ENTREP3: variants seen among roughly 807,000 people sequenced by gnomAD.
The protein encoded by ENTREP3 is endosomal transmembrane epsin interactor 3, also known as protein ENTREP3.
At chr1:155,254,448 G>C in the ENTREP3 span, 1 of 1,614,206 alleles carries the variant, frequency 6.2e-7, no homozygotes, top group Non-Finnish European at 8.5e-7. The surrounding 1 kb of genome is among the most constrained non-coding windows in gnomAD (Gnocchi z 4.4). Flanking sequence ...CCACCCCGGA[G>C]AACGCCAGCT....
chr1:155,248,479 G>A, the ENTREP3 span: 4 of 1,613,266 alleles, frequency 2.5e-6, no homozygotes, highest in Non-Finnish European at 3.4e-6. Context: ...GTCAGCTGGG[G>A]AGAAGAGAGA....
the ENTREP3 span, chr1:155,254,484 C>T: frequency 6.2e-7 from 1 of 1,613,818 alleles, no homozygotes; most frequent in Admixed American, 1.7e-5. The surrounding 1 kb of genome is among the most constrained non-coding windows in gnomAD (Gnocchi z 4.4). Context: ...ACAGGCTCAG[C>T]CTGGCAGGGG....
At chr1:155,254,445 G>A in the ENTREP3 span, 32 of 1,614,202 alleles carry the variant, frequency 2.0e-5, no homozygotes, top group East Asian at 1.1e-4. This position sits in a 1 kb window ranked among gnomAD's most constrained non-coding sequence, Gnocchi z 4.4. Context: ...CAACCACCCC[G>A]GAGAACGCCA....
At chr1:155,254,405 G>C in the ENTREP3 span, 16 of 1,614,042 alleles carry the variant, frequency 9.9e-6, no homozygotes, top group Non-Finnish European at 1.1e-5. This position sits in a 1 kb window ranked among gnomAD's most constrained non-coding sequence, Gnocchi z 4.4. Flanking sequence ...CCTACCACTA[G>C]AGTGAATGGC....
At chr1:155,254,944 C>A in the ENTREP3 span, 1 of 1,292,930 alleles carries the variant, frequency 7.7e-7, no homozygotes, top group African/African-American at 1.5e-5. The surrounding 1 kb of genome is among the most constrained non-coding windows in gnomAD (Gnocchi z 4.4). Context: ...TCAGAGGCGC[C>A]CAAGGCCCCG....
At chr1:155,254,266 C>A in the ENTREP3 span, 1 of 1,490,728 alleles carries the variant, frequency 6.7e-7, no homozygotes. This position sits in a 1 kb window ranked among gnomAD's most constrained non-coding sequence, Gnocchi z 4.4. Flanking sequence ...CAGAGTCCCC[C>A]TCCTTCACAG....
At chr1:155,253,607 C>T in the ENTREP3 span, 1 of 1,584,782 alleles carries the variant, frequency 6.3e-7, no homozygotes, top group Non-Finnish European at 8.7e-7. Context: ...CGTGCCCTGG[C>T]CCCTGCTCCC....
At chr1:155,247,366 C>T in the ENTREP3 span, 8 of 483,456 alleles carry the variant, frequency 1.7e-5, no homozygotes, top group South Asian at 1.2e-4. Flanking sequence ...TGAGAGGCCA[C>T]CTAGATTTTT....
the ENTREP3 span, among the ~76,000 whole-genome samples, chr1:155,248,706 C>T: frequency 6.6e-6 from 1 of 150,902 alleles, no homozygotes; most frequent in Non-Finnish European, 1.5e-5. Flanking sequence ...GAGCGTTCCC[C>T]AGTACTATCT....
At chr1:155,250,846 T>C in the ENTREP3 span, 4 of 1,576,932 alleles carry the variant, frequency 2.5e-6, no homozygotes, top group South Asian at 3.4e-5. This position sits in a 1 kb window ranked among gnomAD's most constrained non-coding sequence, Gnocchi z 5.4. Flanking sequence ...GGGCGCTGTG[T>C]AGCACCAGCC....
chr1:155,254,941 C>T, the ENTREP3 span: 3 of 1,308,256 alleles, frequency 2.3e-6, no homozygotes, highest in Non-Finnish European at 3.2e-6. This position sits in a 1 kb window ranked among gnomAD's most constrained non-coding sequence, Gnocchi z 4.4. Flanking sequence ...ATCTCAGAGG[C>T]GCCCAAGGCC....
chr1:155,254,478 G>A, the ENTREP3 span: 1 of 1,614,008 alleles, frequency 6.2e-7, no homozygotes, highest in Middle Eastern at 1.7e-4. The surrounding 1 kb of genome is among the most constrained non-coding windows in gnomAD (Gnocchi z 4.4). Flanking sequence ...GTGGGCACAG[G>A]CTCAGCCTGG....
At chr1:155,248,315 C>CA in the ENTREP3 span, 1 of 1,608,854 alleles carries the variant, frequency 6.2e-7, no homozygotes, top group Admixed American at 1.7e-5. Flanking sequence ...TGCAGAGAGA[C>CA]AGAGATAAGA....
chr1:155,249,602 G>A, the ENTREP3 span, among the ~76,000 whole-genome samples: 4 of 152,034 alleles, frequency 2.6e-5, no homozygotes, highest in South Asian at 2.1e-4. Flanking sequence ...AAAATTGCCC[G>A]GGCACGGTGA....
chr1:155,253,638 T>G, the ENTREP3 span: 63 of 1,612,836 alleles, frequency 3.9e-5, no homozygotes, highest in Non-Finnish European at 4.9e-5. Flanking sequence ...ATGCACGAGG[T>G]CCAGGGAGAA....
chr1:155,247,881 G>C, the ENTREP3 span: 1 of 1,559,832 alleles, frequency 6.4e-7, no homozygotes, highest in South Asian at 1.2e-5. Flanking sequence ...GCAGGGAAGA[G>C]CTAGAGCTCA....
At chr1:155,250,554 G>C in the ENTREP3 span, 3 of 1,581,676 alleles carry the variant, frequency 1.9e-6, no homozygotes, top group Non-Finnish European at 2.6e-6. The surrounding 1 kb of genome is among the most constrained non-coding windows in gnomAD (Gnocchi z 5.4). Context: ...ACCCAGTGGG[G>C]GTGGAGCTTC....
chr1:155,250,380 GAACCTGAGCTATCGCTGAAGCGACGAGT>G, the ENTREP3 span: 1 of 1,150,052 alleles, frequency 8.7e-7, no homozygotes, highest in Non-Finnish European at 1.2e-6. This position sits in a 1 kb window ranked among gnomAD's most constrained non-coding sequence, Gnocchi z 5.4. Flanking sequence ...TGGGGTGAGG[GAACCTGAGCTATCGCTGAAGCGACGAGT>G]CGGGGCTCGG....
At chr1:155,250,314 G>A in the ENTREP3 span, 325 of 1,547,824 alleles carry the variant, frequency 2.1e-4, 2 homozygotes, top group Non-Finnish European at 1.8e-5. This position sits in a 1 kb window ranked among gnomAD's most constrained non-coding sequence, Gnocchi z 5.4. Flanking sequence ...GTCGCTGTGG[G>A]ACCGTGGCAG....
Sources: gnomAD v4.1 joint callset for allele counts (sites outside exome capture counted in the v4.1 genomes callset) on GRCh38, gnomAD v4.1.1 for gene constraint, Gnocchi (gnomAD v3.1) non-coding constraint, MANE v1.5 for transcripts, NCBI Gene and HGNC (gene_info 2026-07-23, HGNC 2026-07-21) for gene names.